KHDRBS2: variants seen among roughly 807,000 people sequenced by gnomAD.
The protein encoded by KHDRBS2 is KH RNA binding domain containing, signal transduction associated 2.
Under a neutral mutation model 44.3 loss-of-function variants are expected in KHDRBS2, and 26 were observed. That is an observed-to-expected ratio of 0.59 (90% confidence interval 0.43 to 0.81). The LOEUF (loss-of-function observed/expected upper bound fraction) is 0.81, where lower values mean the gene tolerates loss of function less well. Among genes scored for constraint, KHDRBS2 ranks in the 40% least tolerant of loss-of-function variants. The probability of loss-of-function intolerance (pLI) is 0.00; values close to 1 mark genes in which losing one functional copy is unlikely to be tolerated. For synonymous variants in KHDRBS2, 194 were observed against 151.1 expected (o/e 1.28, Z -2.08); for missense variants, 476 against 433.1 (o/e 1.10, Z -0.88).
intron 4 of KHDRBS2, among the ~76,000 whole-genome samples, chr6:61,929,008 T>C (rs1809502316): frequency 2.0e-5 from 3 of 152,142 alleles, no homozygotes; most frequent in African/African-American, 7.2e-5. Context: ...TATCATATTT[T>C]AACAGTTACA....
At chr6:61,721,470 A>G (rs1772532721) in intron 7 of KHDRBS2, among the ~76,000 whole-genome samples, 1 of 147,410 alleles carries the variant, frequency 6.8e-6, no homozygotes, top group African/African-American at 2.5e-5. Flanking sequence ...AGTGGTTTGT[A>G]GTTCTCCTTG....
intron 6 of KHDRBS2, among the ~76,000 whole-genome samples, chr6:61,795,144 CAAAAAAA>C (rs1166333660): frequency 1.8e-4 from 11 of 59,670 alleles, no homozygotes; most frequent in East Asian, 5.7e-4. Flanking sequence ...GACTCCGTCT[CAAAAAAA>C]AAAAAAAAAA....
the KHDRBS2 span, among the ~76,000 whole-genome samples, chr6:61,626,064 C>T: frequency 2.2e-3 from 336 of 152,206 alleles, no homozygotes; most frequent in African/African-American, 6.8e-3. Context: ...TATAGAGAAG[C>T]AAAATTCCAA....
chr6:62,163,927 T>C (rs1012564175), intron 2 of KHDRBS2, among the ~76,000 whole-genome samples: 9 of 151,986 alleles, frequency 5.9e-5, no homozygotes, highest in African/African-American at 2.2e-4. Flanking sequence ...TTAAGGACTA[T>C]TTTACAATGT....
intron 4 of KHDRBS2, among the ~76,000 whole-genome samples, chr6:61,947,489 A>C (rs1321796222): frequency 6.6e-6 from 1 of 152,146 alleles, no homozygotes; most frequent in African/African-American, 2.4e-5. Context: ...TTAATGAAGA[A>C]GTGAGTTGTT....
intron 2 of KHDRBS2, among the ~76,000 whole-genome samples, chr6:62,103,111 A>T (rs1802280925): frequency 6.6e-6 from 1 of 152,084 alleles, no homozygotes; most frequent in Admixed American, 6.5e-5. Context: ...AGTACCATCC[A>T]ACCAGCCAAA....
chr6:62,135,211 C>T (rs893325808), intron 2 of KHDRBS2, among the ~76,000 whole-genome samples: 6 of 152,098 alleles, frequency 3.9e-5, no homozygotes, highest in Admixed American at 1.3e-4. Flanking sequence ...ATACTGTTCT[C>T]GTGGTAGTAA....
chr6:62,109,909 T>C (rs1804607151), intron 2 of KHDRBS2, among the ~76,000 whole-genome samples: 1 of 151,698 alleles, frequency 6.6e-6, no homozygotes, highest in African/African-American at 2.4e-5. Flanking sequence ...ATTTAAAACA[T>C]AAAACTATAA....
chr6:62,052,609 G>T lies in KHDRBS2; in HGVS notation c.220-4615C>A, dbSNP rs1210481406. ...GACAATTTTTCCACTGGTGGGGTGG[G>T]GGTGGAGGAGGGTGGGGGTTGGGGT... On this transcript the variant is annotated intron_variant, in intron 2 of 8. Coordinates refer to ENST00000281156, the MANE Select transcript of KHDRBS2 (RefSeq NM_152688.4). 2.7e-5 allele frequency among the ~76,000 whole-genome samples: 4 copies of T among 145,614 alleles called. No individual in the cohort carries two copies. In the Admixed American group the frequency reaches 2.8e-4, roughly 10 times the overall value.
intron 4 of KHDRBS2, among the ~76,000 whole-genome samples, chr6:61,954,537 T>C (rs1372955253): frequency 2.0e-5 from 3 of 147,860 alleles, no homozygotes; most frequent in Non-Finnish European, 4.5e-5. Context: ...CATACGTATG[T>C]ATACATATAT....
intron 7 of KHDRBS2, among the ~76,000 whole-genome samples, chr6:61,712,966 TGAAA>T (rs897783462): frequency 6.6e-6 from 1 of 151,676 alleles, no homozygotes; most frequent in African/African-American, 2.4e-5. Context: ...ATAGGGTGTC[TGAAA>T]GAATTAAGCA....
chr6:62,010,572 A>C (rs1430569040), intron 3 of KHDRBS2, among the ~76,000 whole-genome samples: 1 of 152,134 alleles, frequency 6.6e-6, no homozygotes, highest in Non-Finnish European at 1.5e-5. Flanking sequence ...AGCTCCCATA[A>C]TTGCGATGTG....
chr6:61,585,780 T>C, the KHDRBS2 span, among the ~76,000 whole-genome samples: 1 of 152,170 alleles, frequency 6.6e-6, no homozygotes, highest in African/African-American at 2.4e-5. Context: ...GTTCATTGCT[T>C]CAGGTTGATA....
chr6:61,978,243 A>C (rs1402981232), intron 3 of KHDRBS2, 31 bp from the exon 4 acceptor site: 1 of 1,558,602 alleles, frequency 6.4e-7, no homozygotes, highest in Non-Finnish European at 8.8e-7. Context: ...AGAAATACAA[A>C]TCCACTCATT....
intron 1 of KHDRBS2, among the ~76,000 whole-genome samples, chr6:62,189,977 C>G (rs2150130794): frequency 6.6e-6 from 1 of 152,136 alleles, no homozygotes; most frequent in African/African-American, 2.4e-5. Context: ...ATGTTTGTGT[C>G]ATTAGCATAT....
At chr6:62,061,027 T>C (rs1791705929) in intron 2 of KHDRBS2, among the ~76,000 whole-genome samples, 1 of 151,946 alleles carries the variant, frequency 6.6e-6, no homozygotes, top group Non-Finnish European at 1.5e-5. Flanking sequence ...ATTTGCTTGG[T>C]AGATCTTCCT....
At chr6:61,620,246 T>TA in the KHDRBS2 span, among the ~76,000 whole-genome samples, 38 of 150,508 alleles carry the variant, frequency 2.5e-4, no homozygotes, top group Admixed American at 4.0e-4. Context: ...TGGTAATCAT[T>TA]AAAAAAAAAA....
intron 3 of KHDRBS2, among the ~76,000 whole-genome samples, chr6:62,024,742 C>T (rs1471862595): frequency 1.3e-5 from 2 of 151,544 alleles, no homozygotes; most frequent in Non-Finnish European, 3.0e-5. Flanking sequence ...AAAATTGCCG[C>T]TTTGACCTTT....
At chr6:62,045,666 T>A (rs1787513874) in intron 3 of KHDRBS2, among the ~76,000 whole-genome samples, 1 of 152,072 alleles carries the variant, frequency 6.6e-6, no homozygotes, top group African/African-American at 2.4e-5. Context: ...ATATGCCGGT[T>A]TGTATGGATT....
Sources: gnomAD v4.1 joint callset for allele counts (sites outside exome capture counted in the v4.1 genomes callset) on GRCh38, gnomAD v4.1.1 for gene constraint, MANE v1.5 for transcripts, NCBI Gene and HGNC (gene_info 2026-07-23, HGNC 2026-07-21) for gene names.